The following GRID2 variants were observed in gnomAD, a reference collection of about 807,000 sequenced individuals.
GRID2 encodes the protein glutamate ionotropic receptor delta type subunit 2.
In GRID2, 33 loss-of-function variants were observed where a neutral mutation model predicts 114.8. The observed-to-expected ratio is 0.29, with a 90% confidence interval of 0.22 to 0.38. The LOEUF (loss-of-function observed/expected upper bound fraction) is 0.38. GRID2 is among the 10% of genes least tolerant of loss of function. The pLI, the probability that GRID2 is intolerant of heterozygous loss-of-function variation, is 1.00. For missense variants in GRID2, 1,184 were observed against 1,257.7 expected (o/e 0.94, Z 0.89); for synonymous variants, 505 against 449.9 (o/e 1.12, Z -1.55).
intron 14 of GRID2, among the ~76,000 whole-genome samples, chr4:93,684,062 A>G (rs944802389): frequency 1.1e-4 from 16 of 152,178 alleles, no homozygotes; most frequent in Non-Finnish European, 2.9e-5. Context: ...ATAAAATTAT[A>G]TATGGAATTA....
At chr4:93,242,113 T>C (rs1747595687) in intron 8 of GRID2, among the ~76,000 whole-genome samples, 1 of 151,904 alleles carries the variant, frequency 6.6e-6, no homozygotes, top group South Asian at 2.1e-4. Context: ...AGTCTTTATG[T>C]TTGATGTTAG....
intron 8 of GRID2, among the ~76,000 whole-genome samples, chr4:93,340,472 T>C (rs1265303816): frequency 6.6e-6 from 1 of 152,178 alleles, no homozygotes; most frequent in Non-Finnish European, 1.5e-5. Flanking sequence ...GAGCCATATA[T>C]ACTTGAATCT....
At chr4:92,787,403 G>C (rs1037460632) in intron 2 of GRID2, among the ~76,000 whole-genome samples, 2 of 151,860 alleles carry the variant, frequency 1.3e-5, no homozygotes, top group African/African-American at 4.8e-5. Context: ...GAGGAGGCTC[G>C]TGTAGGCTTC....
intron 2 of GRID2, among the ~76,000 whole-genome samples, chr4:92,895,327 G>A (rs929182333): frequency 1.4e-5 from 2 of 143,402 alleles, no homozygotes; most frequent in Admixed American, 7.2e-5. Context: ...GTTAAAGAAA[G>A]AATGTTTTGC....
chr4:93,650,320 A>G (rs1272720858), intron 14 of GRID2, among the ~76,000 whole-genome samples: 1 of 152,156 alleles, frequency 6.6e-6, no homozygotes, highest in African/African-American at 2.4e-5. Flanking sequence ...TTTTTCTGAG[A>G]TTATATCCTT....
At chr4:93,142,474 T>C (rs1735866195) in intron 4 of GRID2, among the ~76,000 whole-genome samples, 1 of 152,074 alleles carries the variant, frequency 6.6e-6, no homozygotes, top group African/African-American at 2.4e-5. Flanking sequence ...CTGGAGTCTC[T>C]CTTATAAGTA....
At chr4:92,842,937 T>C (rs1743016479) in intron 2 of GRID2, among the ~76,000 whole-genome samples, 1 of 151,848 alleles carries the variant, frequency 6.6e-6, no homozygotes, top group Admixed American at 6.6e-5. Flanking sequence ...AGATAAGAAG[T>C]CAAAACCAAA....
chr4:92,706,241 A>G (rs1734950850), intron 2 of GRID2, among the ~76,000 whole-genome samples: 1 of 152,200 alleles, frequency 6.6e-6, no homozygotes, highest in Admixed American at 6.5e-5. Flanking sequence ...ACAGTTCAAG[A>G]TGAGATTTCT....
intron 2 of GRID2, among the ~76,000 whole-genome samples, chr4:92,975,622 G>T (rs1753824043): frequency 6.6e-6 from 1 of 151,958 alleles, no homozygotes; most frequent in East Asian, 1.9e-4. Flanking sequence ...AAATTTCCAT[G>T]AACTTATTTT....
intron 10 of GRID2, among the ~76,000 whole-genome samples, chr4:93,423,811 T>A (rs1471358302): frequency 6.6e-6 from 1 of 152,152 alleles, no homozygotes; most frequent in Admixed American, 6.5e-5. Context: ...AATTATTACA[T>A]TTTCCTGATA....
chr4:92,980,555 G>T (rs1285300980), intron 2 of GRID2, among the ~76,000 whole-genome samples: 1 of 151,954 alleles, frequency 6.6e-6, no homozygotes, highest in Non-Finnish European at 1.5e-5. Context: ...TTATATATTT[G>T]TTGTTATGTA....
At chr4:92,346,892 A>G (rs545780262) in intron 1 of GRID2, among the ~76,000 whole-genome samples, 3 of 152,324 alleles carry the variant, frequency 2.0e-5, no homozygotes, top group Middle Eastern at 6.8e-3. Context: ...TGCAAGTGAT[A>G]TGTATTTATG....
At chr4:92,752,119 AGTG>A (rs1418917911) in intron 2 of GRID2, among the ~76,000 whole-genome samples, 1 of 152,208 alleles carries the variant, frequency 6.6e-6, no homozygotes, top group Non-Finnish European at 1.5e-5. Context: ...TTCTGAGAGA[AGTG>A]GTGAATACAG....
chr4:93,137,037 T>C (rs956029877), intron 4 of GRID2, among the ~76,000 whole-genome samples: 2 of 152,172 alleles, frequency 1.3e-5, no homozygotes, highest in Non-Finnish European at 2.9e-5. Context: ...TAAGTACATA[T>C]AGAGAAAACA....
At chr4:92,606,783 C>G (rs182384240) in intron 2 of GRID2, among the ~76,000 whole-genome samples, 16 of 152,060 alleles carry the variant, frequency 1.1e-4, no homozygotes, top group Admixed American at 2.6e-4. Flanking sequence ...GGAATTTTAA[C>G]CAACATCATT....
intron 8 of GRID2, among the ~76,000 whole-genome samples, chr4:93,241,631 G>T (rs1244898289): frequency 2.0e-5 from 3 of 151,722 alleles, no homozygotes; most frequent in Non-Finnish European, 2.9e-5. Flanking sequence ...TGTCCTTTCT[G>T]TTGGATTTTG....
intron 1 of GRID2, among the ~76,000 whole-genome samples, chr4:92,438,844 A>C (rs937380283): frequency 5.3e-5 from 8 of 152,214 alleles, no homozygotes; most frequent in African/African-American, 1.7e-4. Context: ...GCATCTATTC[A>C]TGTAATATCC....
intron 8 of GRID2, among the ~76,000 whole-genome samples, chr4:93,349,076 G>A (rs922450019): frequency 1.3e-5 from 2 of 152,082 alleles, no homozygotes; most frequent in Non-Finnish European, 2.9e-5. Context: ...AATGGCAGGC[G>A]AGAAAGAACT....
chr4:92,942,190 T>A (rs1195004908), intron 2 of GRID2, among the ~76,000 whole-genome samples: 2 of 152,120 alleles, frequency 1.3e-5, no homozygotes, highest in African/African-American at 4.8e-5. Context: ...CCCATTATTA[T>A]TGTGTTGGAG....
Sources: gnomAD v4.1 joint callset for allele counts (sites outside exome capture counted in the v4.1 genomes callset) on GRCh38, gnomAD v4.1.1 for gene constraint, MANE v1.5 for transcripts, NCBI Gene and HGNC (gene_info 2026-07-23, HGNC 2026-07-21) for gene names.